The following KHDRBS2 variants were observed in gnomAD, a reference collection of about 807,000 sequenced individuals.
The protein encoded by KHDRBS2 is KH RNA binding domain containing, signal transduction associated 2.
Under a neutral mutation model 44.3 loss-of-function variants are expected in KHDRBS2, and 26 were observed. The observed-to-expected ratio is 0.59, with a 90% confidence interval of 0.43 to 0.81. The LOEUF (loss-of-function observed/expected upper bound fraction) is 0.81. Among genes scored for constraint, KHDRBS2 ranks in the 40% least tolerant of loss-of-function variants. The pLI is 0.00. For synonymous variants in KHDRBS2, 194 were observed against 151.1 expected (o/e 1.28, Z -2.08); for missense variants, 476 against 433.1 (o/e 1.10, Z -0.88).
At chr6:61,565,536 T>C in the KHDRBS2 span, among the ~76,000 whole-genome samples, 2 of 152,206 alleles carry the variant, frequency 1.3e-5, no homozygotes, top group African/African-American at 4.8e-5. Flanking sequence ...AAAGAAGACA[T>C]ACAAATAGCC....
chr6:62,011,361 C>T (rs556909169), intron 3 of KHDRBS2, among the ~76,000 whole-genome samples: 37 of 151,804 alleles, frequency 2.4e-4, no homozygotes, highest in South Asian at 2.1e-3. Flanking sequence ...ACATTGCACA[C>T]GAAAATAAAA....
At chr6:61,712,139 C>T (rs573361665) in intron 7 of KHDRBS2, among the ~76,000 whole-genome samples, 3 of 151,890 alleles carry the variant, frequency 2.0e-5, no homozygotes, top group East Asian at 3.9e-4. Context: ...AACACATAAA[C>T]CTCCTAAGAC....
chr6:62,105,208 AAT>A (rs1252006848), intron 2 of KHDRBS2, among the ~76,000 whole-genome samples: 1 of 152,192 alleles, frequency 6.6e-6, no homozygotes, highest in Non-Finnish European at 1.5e-5. Flanking sequence ...AAATAGAAGT[AAT>A]GCTAATTCTA....
At position 61,680,837 on chromosome 6, in the gene KHDRBS2, G is replaced by T; in HGVS notation, c.*126C>A. The T allele has an allele frequency of 1.6e-6, 1 of 610,426 alleles. No individual in the cohort carries two copies. The highest frequency in any genetic ancestry group is 3.0e-6 in the Non-Finnish European group (1 of 337,936). The allele number at this position is 610,426 out of a possible 1,614,324, so 37.8% of individuals were successfully genotyped here. Reference sequence around the variant, plus strand: ...ACTAGAAATATATGGGAGTAATCATGAGCAGTTATCCCTAGAATAGAAACA... The same window carrying T: ...ACTAGAAATATATGGGAGTAATCATTAGCAGTTATCCCTAGAATAGAAACA... On this transcript the variant is annotated 3_prime_UTR_variant, in exon 9 of 9. Coordinates refer to ENST00000281156, the MANE Select transcript of KHDRBS2 (RefSeq NM_152688.4).
chr6:61,550,219 C>G, the KHDRBS2 span, among the ~76,000 whole-genome samples: 2 of 152,080 alleles, frequency 1.3e-5, no homozygotes, highest in African/African-American at 2.4e-5. Context: ...ACCGTCAGGT[C>G]CCAGTGTCTG....
chr6:61,729,566 A>G (rs1774109909), intron 7 of KHDRBS2, among the ~76,000 whole-genome samples: 1 of 152,112 alleles, frequency 6.6e-6, no homozygotes, highest in Non-Finnish European at 1.5e-5. Context: ...GCAATATATG[A>G]GCATTGCAGT....
chr6:61,981,935 A>G (rs1283153252), intron 3 of KHDRBS2, among the ~76,000 whole-genome samples: 1 of 152,136 alleles, frequency 6.6e-6, no homozygotes, highest in East Asian at 1.9e-4. Context: ...ACGTCCTGGT[A>G]TAATGTAGTC....
chr6:61,692,695 C>T (rs1767501220), intron 8 of KHDRBS2, among the ~76,000 whole-genome samples: 1 of 152,078 alleles, frequency 6.6e-6, no homozygotes, highest in South Asian at 2.1e-4. Flanking sequence ...TTTCTGCTGG[C>T]TTATTTCAAA....
chr6:61,954,959 T>TATATATACACATACATATATGC lies in KHDRBS2; in HGVS notation c.483+23106_483+23107insGCATATATGTATGTGTATATAT, dbSNP rs1562515193. Reference sequence around the variant, plus strand: ...ATATGTATGTGTATACATATATATGTATATATACGCATACATATGTATGTG... The same window carrying TATATATACACATACATATATGC: ...ATATGTATGTGTATACATATATATGTATATATACACATACATATATGCATATATACGCATACATATGTATGTG... On this transcript the variant is annotated intron_variant, in intron 4 of 8. Coordinates refer to ENST00000281156, the MANE Select transcript of KHDRBS2 (RefSeq NM_152688.4). 2.0e-4 allele frequency among the ~76,000 whole-genome samples: 28 copies of TATATATACACATACATATATGC among 139,438 alleles called. 1 individual carries two copies. Among genetic ancestry groups the TATATATACACATACATATATGC allele is most frequent in the Admixed American group, 3.5e-4 (5 of 14,140 alleles). 91.5% of individuals were successfully genotyped at this position (139,438 alleles called of 152,430 possible). A position where few individuals can be genotyped will look rare whatever the true frequency, so the allele number is the denominator to read the frequency against.
intron 1 of KHDRBS2, among the ~76,000 whole-genome samples, chr6:62,254,799 A>G (rs1837107746): frequency 6.6e-6 from 1 of 152,154 alleles, no homozygotes. Flanking sequence ...GACTGGCAAT[A>G]TGCTCTAACT....
chr6:61,798,719 G>C lies in KHDRBS2; in HGVS notation c.811-65955C>G, dbSNP rs139972605. The stretch of plus-strand genomic sequence containing the variant: ...ATTTTAGCTTATTTATTATTTAAAA[G>C]ATAAAATTGGAAACCACATTTTTTA... On this transcript the variant is annotated intron_variant, in intron 6 of 8. Transcript: ENST00000281156. Among the ~76,000 whole-genome samples the C allele has an allele frequency of 1.1e-4, 17 of 151,946 alleles. No individual in the cohort carries two copies. The East Asian group carries it at 2.9e-3, about 26-fold the overall frequency.
intron 2 of KHDRBS2, among the ~76,000 whole-genome samples, chr6:62,118,937 A>G (rs1423115298): frequency 6.6e-6 from 1 of 152,128 alleles, no homozygotes; most frequent in Non-Finnish European, 1.5e-5. Flanking sequence ...ATGACCTATT[A>G]GGGAATTTCA....
At chr6:61,637,549 A>C in the KHDRBS2 span, among the ~76,000 whole-genome samples, 1 of 152,186 alleles carries the variant, frequency 6.6e-6, no homozygotes, top group Non-Finnish European at 1.5e-5. Flanking sequence ...GTATATACCC[A>C]GTAATGGGAT....
At chr6:62,025,348 C>A (rs1291472598) in intron 3 of KHDRBS2, among the ~76,000 whole-genome samples, 5 of 151,394 alleles carry the variant, frequency 3.3e-5, no homozygotes, top group African/African-American at 7.3e-5. Flanking sequence ...CATTCTTTTT[C>A]CTAATTTTTT....
intron 1 of KHDRBS2, among the ~76,000 whole-genome samples, chr6:62,268,086 G>A (rs1393003035): frequency 1.3e-5 from 2 of 151,910 alleles, no homozygotes; most frequent in Admixed American, 1.3e-4. Flanking sequence ...TTATAATTTT[G>A]TATTGCTTGA....
intron 4 of KHDRBS2, among the ~76,000 whole-genome samples, chr6:61,973,235 T>C (rs1771808812): frequency 6.6e-6 from 1 of 152,196 alleles, no homozygotes; most frequent in African/African-American, 2.4e-5. Context: ...TTCTAAAACT[T>C]TATAACTTTT....
intron 6 of KHDRBS2, among the ~76,000 whole-genome samples, chr6:61,841,066 G>T (rs1158410627): frequency 6.6e-6 from 1 of 151,964 alleles, no homozygotes; most frequent in African/African-American, 2.4e-5. Context: ...TATAATCAAG[G>T]CATTTTAGCT....
In KHDRBS2 at chr6:62,104,128, AT is replaced by A. The variant is rs555369186; in HGVS notation, c.220-56135del. 6.3e-4 allele frequency among the ~76,000 whole-genome samples: 96 copies of A among 152,326 alleles called. 1 individual carries two copies. The highest frequency in any genetic ancestry group is 2.3e-3 in the African/African-American group (95 of 41,588). ...TGCTGTTTAAACAAAAGCACTAACA[AT>A]TTAGAATATCAGTAAGGTATAAAAG... On this transcript the variant is annotated intron_variant, in intron 2 of 8. Coordinates refer to ENST00000281156, the MANE Select transcript of KHDRBS2 (RefSeq NM_152688.4).
At chr6:62,188,865 G>A (rs980271441) in intron 1 of KHDRBS2, among the ~76,000 whole-genome samples, 1 of 152,274 alleles carries the variant, frequency 6.6e-6, no homozygotes, top group Non-Finnish European at 1.5e-5. Context: ...TGTAATCCTA[G>A]CACTTTGAGA....
Sources: allele counts gnomAD v4.1 joint callset (sites outside exome capture counted in the v4.1 genomes callset), GRCh38; gene constraint gnomAD v4.1.1; transcripts MANE v1.5; gene names NCBI Gene and HGNC (gene_info 2026-07-23, HGNC 2026-07-21).